Variants in LRRC4C observed in about 807,000 individuals in gnomAD.
The protein encoded by LRRC4C is leucine-rich repeat-containing protein 4C.
A neutral mutation model predicts 33.6 loss-of-function variants in LRRC4C; 5 were observed. The observed-to-expected ratio is 0.15, with a 90% CI of 0.08 to 0.31. LRRC4C has a LOEUF of 0.31. Among genes scored for constraint, LRRC4C ranks in the 10% least tolerant of loss-of-function variants. The probability of loss-of-function intolerance (pLI) is 1.00; values close to 1 mark genes in which losing one functional copy is unlikely to be tolerated. For synonymous variants in LRRC4C, 329 were observed against 302.0 expected (o/e 1.09, Z -0.93); for missense variants, 560 against 796.7 (o/e 0.70, Z 3.58).
intron 5 of LRRC4C, among the ~76,000 whole-genome samples, chr11:40,222,439 T>A (rs1264154542): frequency 1.3e-5 from 2 of 152,202 alleles, no homozygotes; most frequent in Non-Finnish European, 2.9e-5. Flanking sequence ...GGAACAGAAA[T>A]AATTCCTTGT....
chr11:41,316,202 G>C (rs2137226911), intron 1 of LRRC4C, among the ~76,000 whole-genome samples: 1 of 138,358 alleles, frequency 7.2e-6, no homozygotes. Flanking sequence ...AACTGGGGGT[G>C]ACTATGGGTA....
intron 3 of LRRC4C, among the ~76,000 whole-genome samples, chr11:40,482,622 C>T (rs1953639948): frequency 6.6e-6 from 1 of 151,840 alleles, no homozygotes; most frequent in Non-Finnish European, 1.5e-5. Context: ...GGCATGCATC[C>T]CCATGCCCAG....
chr11:40,767,160 C>CA (rs1949514525), intron 2 of LRRC4C, among the ~76,000 whole-genome samples: 1 of 151,570 alleles, frequency 6.6e-6, no homozygotes, highest in East Asian at 1.9e-4. Context: ...ATGGAAGCCC[C>CA]AAAAATAGCA....
At chr11:41,421,980 C>T (rs1371978852) in intron 1 of LRRC4C, among the ~76,000 whole-genome samples, 1 of 151,982 alleles carries the variant, frequency 6.6e-6, no homozygotes, top group Non-Finnish European at 1.5e-5. Context: ...TCCTGAAATA[C>T]ATATTCCAAT....
intron 2 of LRRC4C, among the ~76,000 whole-genome samples, chr11:40,728,380 C>G (rs1249075197): frequency 6.6e-6 from 1 of 151,312 alleles, no homozygotes; most frequent in African/African-American, 2.4e-5. Context: ...CCGAGGCGGA[C>G]GGATCACGAG....
At position 40,820,307 on chromosome 11, in the gene LRRC4C, T is replaced by C. The variant is rs576808683; in HGVS notation, c.-407+113328A>G. ...CAAGACAGCAATAAATTGAAAATAG[T>C]GTCATAAAAGTAATTATACATATTT... On this transcript the variant is annotated intron_variant, in intron 2 of 6. Coordinates refer to ENST00000528697, the MANE Select transcript of LRRC4C (RefSeq NM_001258419.2). Among the ~76,000 whole-genome samples the C allele has an allele frequency of 2.0e-3, 304 of 152,038 alleles. 1 individual carries two copies. The highest frequency in any genetic ancestry group is 7.1e-3 in the African/African-American group (294 of 41,520).
intron 1 of LRRC4C, among the ~76,000 whole-genome samples, chr11:40,977,758 A>G (rs933075989): frequency 5.9e-5 from 9 of 152,124 alleles, no homozygotes; most frequent in African/African-American, 1.9e-4. Flanking sequence ...ATGCAACTCA[A>G]TCATTACTCC....
intron 2 of LRRC4C, among the ~76,000 whole-genome samples, chr11:40,719,571 G>C (rs1375157459): frequency 6.6e-6 from 1 of 152,134 alleles, no homozygotes; most frequent in Admixed American, 6.5e-5. Context: ...AGCTGCTTTT[G>C]GATGATGAAA....
chr11:40,654,418 G>C (rs1415814730), intron 2 of LRRC4C, among the ~76,000 whole-genome samples: 6 of 152,192 alleles, frequency 3.9e-5, no homozygotes, highest in Admixed American at 2.6e-4. Context: ...CCCTGAATGT[G>C]AGAAATTGAG....
chr11:40,660,098 AC>A (rs1943355751), intron 2 of LRRC4C, among the ~76,000 whole-genome samples: 1 of 152,146 alleles, frequency 6.6e-6, no homozygotes, highest in Admixed American at 6.5e-5. Context: ...TTGTCCACAC[AC>A]AGGTGCCTGC....
intron 1 of LRRC4C, among the ~76,000 whole-genome samples, chr11:41,038,686 A>G (rs1007371479): frequency 6.6e-6 from 1 of 152,196 alleles, no homozygotes; most frequent in Non-Finnish European, 1.5e-5. Flanking sequence ...AAACTCAGAA[A>G]CACAAGAAAT....
At chr11:40,474,568 G>A (rs545692075) in intron 3 of LRRC4C, among the ~76,000 whole-genome samples, 130 of 152,118 alleles carry the variant, frequency 8.5e-4, no homozygotes, top group Non-Finnish European at 1.6e-3. Context: ...GCAACAAAAG[G>A]CAAAACTGAC....
chr11:40,225,975 C>T (rs1040459840), intron 5 of LRRC4C, among the ~76,000 whole-genome samples: 1 of 152,202 alleles, frequency 6.6e-6, no homozygotes, highest in Non-Finnish European at 1.5e-5. Flanking sequence ...AAATACTACA[C>T]TTCTAACTGA....
At chr11:40,835,744 A>G (rs565489884) in intron 2 of LRRC4C, among the ~76,000 whole-genome samples, 3 of 152,302 alleles carry the variant, frequency 2.0e-5, no homozygotes, top group Admixed American at 6.5e-5. Context: ...TATTTACAAA[A>G]CACCAAATAA....
chr11:40,490,796 A>T (rs1001040490), intron 3 of LRRC4C, among the ~76,000 whole-genome samples: 1 of 152,172 alleles, frequency 6.6e-6, no homozygotes, highest in Non-Finnish European at 1.5e-5. Context: ...ACTTCTCAGG[A>T]TTATTTTAAA....
chr11:41,437,567 T>C (rs1230695816), intron 1 of LRRC4C, among the ~76,000 whole-genome samples: 1 of 152,210 alleles, frequency 6.6e-6, no homozygotes, highest in Non-Finnish European at 1.5e-5. Flanking sequence ...CCCAGGCTTT[T>C]GTTGATTTTT....
At chr11:41,378,211 C>G (rs1953012099) in intron 1 of LRRC4C, among the ~76,000 whole-genome samples, 1 of 151,780 alleles carries the variant, frequency 6.6e-6, no homozygotes. Flanking sequence ...GGACTTTAAT[C>G]AAAGAGAAAC....
At chr11:41,059,262 T>G (rs1858887312) in intron 1 of LRRC4C, among the ~76,000 whole-genome samples, 1 of 119,704 alleles carries the variant, frequency 8.4e-6, no homozygotes, top group African/African-American at 2.9e-5. Context: ...GGTCCTAAGT[T>G]TTGATGACAA....
At chr11:40,599,276 T>C (rs1959715082) in intron 3 of LRRC4C, among the ~76,000 whole-genome samples, 1 of 150,646 alleles carries the variant, frequency 6.6e-6, no homozygotes, top group Non-Finnish European at 1.5e-5. Flanking sequence ...CAGTGAGACC[T>C]ATCTCTACAA....
Sources: allele counts gnomAD v4.1 joint callset (sites outside exome capture counted in the v4.1 genomes callset), GRCh38; gene constraint gnomAD v4.1.1; transcripts MANE v1.5; gene names NCBI Gene and HGNC (gene_info 2026-07-23, HGNC 2026-07-21).